Variants in ANO4 observed in about 807,000 individuals in gnomAD.
ANO4 encodes the protein anoctamin 4, also known as anoctamin-4.
In ANO4, 69 loss-of-function variants were observed where a neutral mutation model predicts 141.9. That is an observed-to-expected ratio of 0.49 (90% CI 0.40 to 0.59). ANO4 has a LOEUF of 0.59. Ranked by LOEUF, ANO4 falls within the 20% of genes least tolerant of loss-of-function variation. The probability of loss-of-function intolerance (pLI) is 0.00; values close to 1 mark genes in which losing one functional copy is unlikely to be tolerated. For missense variants in ANO4, 894 were observed against 1,162.2 expected (o/e 0.77, Z 3.36); for synonymous variants, 350 against 394.3 (o/e 0.89, Z 1.33).
chr12:101,096,350 G>A (rs372701431), intron 18 of ANO4, among the ~76,000 whole-genome samples, 186 bp from the exon 19 acceptor site: 1 of 152,098 alleles, frequency 6.6e-6, no homozygotes, highest in South Asian at 2.1e-4. Context: ...GTTGGGTCTG[G>A]TCTGTGAGCT....
At chr12:100,836,498 C>G (rs1018821549) in intron 1 of ANO4, among the ~76,000 whole-genome samples, 1 of 146,494 alleles carries the variant, frequency 6.8e-6, no homozygotes, top group Non-Finnish European at 1.5e-5. Flanking sequence ...CCCCTCCCCC[C>G]ATCCCACAAC....
intron 25 of ANO4, among the ~76,000 whole-genome samples, chr12:101,117,634 C>T (rs562806600): frequency 1.5e-4 from 23 of 152,282 alleles, no homozygotes; most frequent in Middle Eastern, 3.4e-3. Flanking sequence ...CACTTAAGTC[C>T]AGGCAGTCAA....
intron 11 of ANO4, among the ~76,000 whole-genome samples, chr12:101,040,544 T>A (rs374720353): frequency 6.6e-6 from 1 of 152,244 alleles, no homozygotes; most frequent in Non-Finnish European, 1.5e-5. Flanking sequence ...ATTGTTTTAA[T>A]CTGCAGATCA....
At chr12:100,935,406 A>G (rs749103069) in intron 3 of ANO4, among the ~76,000 whole-genome samples, 3 of 152,130 alleles carry the variant, frequency 2.0e-5, no homozygotes, top group Admixed American at 1.3e-4. Context: ...ATTGTTTTGC[A>G]TATGTTGAAC....
intron 1 of ANO4, among the ~76,000 whole-genome samples, chr12:100,821,447 G>A (rs2036047635): frequency 6.6e-6 from 1 of 151,826 alleles, no homozygotes; most frequent in Non-Finnish European, 1.5e-5. Flanking sequence ...TGGAATGGAA[G>A]AATAAAAATA....
Position 101,021,320 on chromosome 12 carries a change from C to T in ANO4, c.841+1180C>T, listed in dbSNP as rs79999601. 8.1e-3 allele frequency among the ~76,000 whole-genome samples: 1,228 copies of T among 152,280 alleles called. 23 individuals carry two copies. The highest frequency in any genetic ancestry group is 0.027 in the African/African-American group (1,112 of 41,552). Reference sequence around the variant, plus strand: ...GAGTACCATGTGTTTCCAGCCACCACGCACTGCAGGAGCTGGGTACTGTAG... The same window carrying T: ...GAGTACCATGTGTTTCCAGCCACCATGCACTGCAGGAGCTGGGTACTGTAG... On this transcript the variant is annotated intron_variant, in intron 9 of 27. Transcript: ENST00000392977.
At chr12:100,748,322 A>G (rs1483096193) in intron 3 of ANO4, among the ~76,000 whole-genome samples, 2 of 152,192 alleles carry the variant, frequency 1.3e-5, no homozygotes, top group Non-Finnish European at 2.9e-5. Context: ...AACCTGAACA[A>G]CTGATGTGAC....
intron 3 of ANO4, among the ~76,000 whole-genome samples, chr12:100,784,966 C>A (rs1380432487): frequency 6.6e-6 from 1 of 151,692 alleles, no homozygotes; most frequent in Non-Finnish European, 1.5e-5. Context: ...TCTATTCTCT[C>A]TCTCTCTTTC....
At chr12:100,767,607 G>A (rs1227998258) in intron 3 of ANO4, among the ~76,000 whole-genome samples, 1 of 152,178 alleles carries the variant, frequency 6.6e-6, no homozygotes, top group East Asian at 1.9e-4. Flanking sequence ...ATAAAGGGAT[G>A]ATTCATTTTC....
chr12:100,935,839 A>G (rs978215108), intron 3 of ANO4, among the ~76,000 whole-genome samples: 2 of 152,240 alleles, frequency 1.3e-5, no homozygotes, highest in Non-Finnish European at 2.9e-5. Flanking sequence ...TAGAGAATCA[A>G]TGTAAGTTTG....
At chr12:100,989,913 T>G (rs1293722192) in intron 8 of ANO4, among the ~76,000 whole-genome samples, 2 of 150,104 alleles carry the variant, frequency 1.3e-5, no homozygotes, top group East Asian at 4.0e-4. Context: ...GATGGATGGA[T>G]GGATAGTGTA....
At chr12:100,935,797 G>A (rs1025680164) in intron 3 of ANO4, among the ~76,000 whole-genome samples, 1 of 152,210 alleles carries the variant, frequency 6.6e-6, no homozygotes, top group African/African-American at 2.4e-5. Context: ...AAATTGGTTA[G>A]TGTTGGAAGT....
intron 13 of ANO4, 62 bp downstream of exon 13, chr12:101,043,697 G>T: frequency 8.2e-7 from 1 of 1,223,638 alleles, no homozygotes. Context: ...CTGAGGGATG[G>T]TGGGTAACTC....
intron 2 of ANO4, among the ~76,000 whole-genome samples, chr12:100,917,126 A>G (rs1055508350): frequency 1.3e-5 from 2 of 152,222 alleles, no homozygotes; most frequent in South Asian, 2.1e-4. Context: ...ACTTCTGTCC[A>G]TAAAATGTGG....
intron 14 of ANO4, among the ~76,000 whole-genome samples, chr12:101,059,154 TG>T (rs2136716381): frequency 6.6e-6 from 1 of 152,346 alleles, no homozygotes; most frequent in East Asian, 1.9e-4. Flanking sequence ...GTTTTTGTGA[TG>T]GATTATGTTT....
chr12:100,942,230 C>T (rs569250712), intron 4 of ANO4, 147 bp from the exon 5 acceptor site: 19 of 771,786 alleles, frequency 2.5e-5, no homozygotes, highest in East Asian at 2.9e-5. Flanking sequence ...CCACCCGCCT[C>T]GGCCTCCCAA....
intron 1 of ANO4, among the ~76,000 whole-genome samples, chr12:100,860,851 A>C (rs2038430876): frequency 6.6e-6 from 1 of 152,234 alleles, no homozygotes; most frequent in African/African-American, 2.4e-5. Flanking sequence ...TTGTATGACT[A>C]TCACAGTGTG....
chr12:101,097,142 G>A (rs746460878), intron 19 of ANO4, among the ~76,000 whole-genome samples: 8 of 152,046 alleles, frequency 5.3e-5, no homozygotes, highest in South Asian at 2.1e-4. Context: ...TGGTAATGTC[G>A]CATGAATTCC....
chr12:100,732,932 G>C (rs1394343040), intron 1 of ANO4, among the ~76,000 whole-genome samples: 1 of 152,158 alleles, frequency 6.6e-6, no homozygotes, highest in African/African-American at 2.4e-5. Context: ...TCTGTTCACG[G>C]TAATGAGGAA....
Sources: allele counts gnomAD v4.1 joint callset (sites outside exome capture counted in the v4.1 genomes callset), GRCh38; gene constraint gnomAD v4.1.1; transcripts MANE v1.5; gene names NCBI Gene and HGNC (gene_info 2026-07-23, HGNC 2026-07-21).